PRKDC: variants seen among roughly 807,000 people sequenced by gnomAD.
PRKDC encodes DNA-dependent protein kinase catalytic subunit.
PRKDC carries 82 observed loss-of-function variants against 486.9 expected under a neutral mutation model. That is an observed-to-expected ratio of 0.17 (90% CI 0.14 to 0.20). PRKDC has a LOEUF of 0.20. Ranked by LOEUF, PRKDC falls within the 10% of genes least tolerant of loss-of-function variation. PRKDC has a pLI of 1.00. For missense variants in PRKDC, 4,504 were observed against 5,038.2 expected, an observed-to-expected ratio of 0.89 and a Z score of 3.21; for synonymous variants, 1,895 against 1,837.0, an observed-to-expected ratio of 1.03 and a Z score of -0.81.
intron 7 of PRKDC, 126 bp downstream of exon 7, chr8:47,953,494 C>T: frequency 1.1e-6 from 1 of 947,886 alleles, no homozygotes; most frequent in Admixed American, 2.1e-5. Flanking sequence ...CCACAGGTCC[C>T]TCTAGATTAT....
rs1170611415 is a variant in PRKDC, at chr8:47,939,615, C to G, written c.1049G>C (p.Arg350Thr). The G allele has an allele frequency of 6.2e-7, 1 of 1,613,464 alleles. No homozygotes were observed. The highest frequency in any genetic ancestry group is 1.7e-5 in the Admixed American group (1 of 60,012). Residue 350 changes from arginine (R) to threonine (T), a missense_variant, in exon 11 of 86, where the codon AGA (arginine) becomes ACA (threonine). By Grantham distance (71) the Arg-to-Thr change is moderately conservative. This residue lies in a region of PRKDC where 1,969 missense variants were observed against 2,068.9 expected (regional missense o/e 0.95). Coordinates refer to ENST00000314191, the MANE Select transcript of PRKDC (RefSeq NM_006904.7). ...YFMEQFYGII[R>T]NVDSNNKELS... ...CTCCTTGTTGTTCGAATCCACATTT[C>G]TGATGATTCCATAAAACTGCTCCAT...
At chr8:47,815,544 C>G (rs1563748773) in intron 68 of PRKDC, among the ~76,000 whole-genome samples, 1 of 152,104 alleles carries the variant, frequency 6.6e-6, no homozygotes. Context: ...TTGGCCAAAT[C>G]TGAGATAATT....
chr8:47,949,138 C>T (rs1480581871), intron 7 of PRKDC, among the ~76,000 whole-genome samples: 1 of 152,228 alleles, frequency 6.6e-6, no homozygotes, highest in Non-Finnish European at 1.5e-5. Flanking sequence ...AGATCCCCTT[C>T]CTCTGACCTC....
chr8:47,824,249 G>A (rs1033899727), intron 63 of PRKDC, among the ~76,000 whole-genome samples: 8 of 151,940 alleles, frequency 5.3e-5, no homozygotes, highest in East Asian at 1.9e-4. Context: ...CGGGCGTGGC[G>A]GCTCACCTGA....
At chr8:47,897,125 A>AC in intron 30 of PRKDC, 36 bp downstream of exon 30, 1 of 1,546,862 alleles carries the variant, frequency 6.5e-7, no homozygotes, top group South Asian at 1.2e-5. Flanking sequence ...ATAATAAAGC[A>AC]CCGTGGTGAA....
At chr8:47,907,587 C>T (rs1422077683) in intron 25 of PRKDC, among the ~76,000 whole-genome samples, 3 of 137,302 alleles carry the variant, frequency 2.2e-5, no homozygotes, top group African/African-American at 5.6e-5. Context: ...CAGGCTAGAG[C>T]GCAGTGGTGA....
rs548809026 is a variant in PRKDC, at chr8:47,834,373, G to T, written c.7975C>A (p.Leu2659Met). The change falls in exon 59 of 86, where the codon CTG (leucine) becomes ATG (methionine). Residue 2659 changes from leucine to methionine, a missense_variant. Transcript: ENST00000314191. ...AGCGGGTCAGTGCTGCTCCCGGTCAGCCAATCAAATGAGCTTCTTCCATCT... is the reference window on the plus strand; with the variant it reads ...AGCGGGTCAGTGCTGCTCCCGGTCATCCAATCAAATGAGCTTCTTCCATCT... ...TADGRSSFDW[L>M]TGSSTDPLVD... 6.2e-7 allele frequency: 1 copy of T among 1,613,716 alleles called. No homozygotes were observed. The highest frequency in any genetic ancestry group is 2.2e-5 in the East Asian group (1 of 44,884).
chr8:47,821,799 G>C lies in PRKDC; in HGVS notation c.8923-7C>G, dbSNP rs1158539922. ...AGTCTTGTTTATTGAGAGCCTAGTG[G>C]AGAAAAGTTAATAAAATTATTTTAC... is the stretch of plus-strand genomic sequence containing the variant. On this transcript the variant is annotated splice_polypyrimidine_tract_variant and splice_region_variant and intron_variant, in intron 64 of 85. Transcript: ENST00000314191. The C allele has an allele frequency of 1.3e-6, 2 of 1,532,398 alleles. No homozygotes were observed. Among genetic ancestry groups the C allele is most frequent in the Admixed American group, 2.6e-5 (1 of 38,944 alleles). The allele number at this position is 1,532,398 out of a possible 1,614,324, so 94.9% of individuals were successfully genotyped here.
At chr8:47,883,541 G>C (rs2089267166) in intron 36 of PRKDC, among the ~76,000 whole-genome samples, 2 of 152,294 alleles carry the variant, frequency 1.3e-5, no homozygotes, top group South Asian at 2.1e-4. Flanking sequence ...AGGCCCTGCT[G>C]CTCAACCTCA....
chr8:47,913,427 C>T (rs528686877), intron 24 of PRKDC, among the ~76,000 whole-genome samples: 2 of 151,982 alleles, frequency 1.3e-5, no homozygotes, highest in Admixed American at 6.5e-5. Flanking sequence ...GACGGAGTCT[C>T]GCTCTGTCTC....
chr8:47,780,285 TTTTG>T (rs755572905), intron 80 of PRKDC, among the ~76,000 whole-genome samples: 8 of 152,200 alleles, frequency 5.3e-5, no homozygotes, highest in Non-Finnish European at 7.3e-5. Context: ...TGAGAAAATA[TTTTG>T]TTTTTCTTTT....
intron 68 of PRKDC, among the ~76,000 whole-genome samples, chr8:47,816,971 A>G (rs2087460669): frequency 6.6e-6 from 1 of 152,176 alleles, no homozygotes; most frequent in Admixed American, 6.5e-5. Context: ...TGGATTCCAC[A>G]GGTTAGTTAC....
intron 69 of PRKDC, among the ~76,000 whole-genome samples, chr8:47,804,750 T>TG: frequency 6.6e-6 from 1 of 152,246 alleles, no homozygotes; most frequent in Middle Eastern, 3.4e-3. Context: ...ATGGTACCTC[T>TG]GTTCAACTGT....
intron 68 of PRKDC, among the ~76,000 whole-genome samples, chr8:47,814,168 C>T (rs977601156): frequency 2.0e-5 from 3 of 152,064 alleles, no homozygotes; most frequent in South Asian, 2.1e-4. Flanking sequence ...TGATAAAATT[C>T]GACATTCATT....
At chr8:47,853,462 C>T (rs1235314300) in intron 51 of PRKDC, among the ~76,000 whole-genome samples, 1 of 152,194 alleles carries the variant, frequency 6.6e-6, no homozygotes, top group Non-Finnish European at 1.5e-5. Context: ...GGAATCAACA[C>T]TGACTTCACA....
intron 29 of PRKDC, 135 bp from the exon 30 acceptor site, chr8:47,897,429 T>G (rs1264812003): frequency 1.2e-6 from 1 of 840,902 alleles, no homozygotes; most frequent in African/African-American, 1.7e-5. Flanking sequence ...TTCGACTTAT[T>G]TTTAATGTAT....
chr8:47,886,183 C>A, intron 35 of PRKDC, 36 bp from the exon 36 acceptor site: 1 of 1,505,172 alleles, frequency 6.6e-7, no homozygotes, highest in Admixed American at 2.3e-5. Context: ...ATAACTGGGG[C>A]ACATCTTTGC....
intron 21 of PRKDC, 83 bp downstream of exon 21, chr8:47,927,108 AAGT>A: frequency 7.7e-7 from 1 of 1,302,212 alleles, no homozygotes; most frequent in Non-Finnish European, 1.0e-6. Context: ...TAAATTTCAG[AAGT>A]TACAAAAATA....
intron 4 of PRKDC, among the ~76,000 whole-genome samples, chr8:47,955,121 T>C (rs1339394238): frequency 2.0e-5 from 3 of 150,572 alleles, no homozygotes; most frequent in African/African-American, 7.4e-5. Flanking sequence ...GCCACTGCAC[T>C]CCAGCCTGAA....
Sources: allele counts gnomAD v4.1 joint callset (sites outside exome capture counted in the v4.1 genomes callset), GRCh38; gene constraint gnomAD v4.1.1; regional missense constraint gnomAD v4.1.1; transcripts MANE v1.5; gene names NCBI Gene and HGNC (gene_info 2026-07-23, HGNC 2026-07-21).